Variants in MME observed in about 807,000 individuals in gnomAD.
The protein encoded by MME is neprilysin.
MME carries 98 observed loss-of-function variants against 113.2 expected under a neutral mutation model. That is an observed-to-expected ratio of 0.87 (90% CI 0.74 to 1.02). The LOEUF (loss-of-function observed/expected upper bound fraction) is 1.02. Among genes scored for constraint, MME ranks in the 50% least tolerant of loss-of-function variants. The probability of loss-of-function intolerance (pLI) is 0.00; values close to 1 mark genes in which losing one functional copy is unlikely to be tolerated. For missense variants in MME, 836 were observed against 896.0 expected (o/e 0.93, Z 0.86); for synonymous variants, 292 against 300.6 (o/e 0.97, Z 0.30).
chr3:155,060,838 A>ACAGAGAGT (rs1714110549), intron 1 of MME, among the ~76,000 whole-genome samples: 1 of 151,350 alleles, frequency 6.6e-6, no homozygotes, highest in Non-Finnish European at 1.5e-5. Flanking sequence ...GCAGAGAGAG[A>ACAGAGAGT]GAGAGAGAGA....
At chr3:155,164,691 G>A (rs1722960912) in intron 17 of MME, among the ~76,000 whole-genome samples, 1 of 152,142 alleles carries the variant, frequency 6.6e-6, no homozygotes, top group African/African-American at 2.4e-5. Context: ...CATAGTGTGG[G>A]AGATAGTATT....
At chr3:155,125,020 C>A (rs370554706) in intron 8 of MME, among the ~76,000 whole-genome samples, 1 of 151,714 alleles carries the variant, frequency 6.6e-6, no homozygotes, top group African/African-American at 2.4e-5. Context: ...CCCCCAGCCT[C>A]GCTGCCGCCT....
intron 1 of MME, among the ~76,000 whole-genome samples, chr3:155,037,806 A>G (rs1197456031): frequency 6.6e-6 from 1 of 152,180 alleles, no homozygotes; most frequent in Non-Finnish European, 1.5e-5. Flanking sequence ...GAGGTCATTG[A>G]TGTTCTTGAT....
intron 22 of MME, among the ~76,000 whole-genome samples, chr3:155,176,577 G>T: frequency 6.6e-6 from 1 of 152,258 alleles, no homozygotes; most frequent in East Asian, 1.9e-4. Context: ...GTTAATTCCA[G>T]CACTTTGGGA....
In MME at chr3:155,183,692, G is replaced by A. The variant is rs558529872; in HGVS notation, c.*3233G>A. Reference sequence around the variant, plus strand: ...TCAAAAATACAAAATAAAAACAAACGTTTTTAATACTATTGCTTTTATGCC... The same window carrying A: ...TCAAAAATACAAAATAAAAACAAACATTTTTAATACTATTGCTTTTATGCC... On this transcript the variant is annotated 3_prime_UTR_variant, in exon 23 of 23. Transcript: ENST00000360490. 2.0e-5 allele frequency: 3 copies of A among 152,212 alleles called. No homozygotes were observed. The highest frequency in any genetic ancestry group is 2.1e-4 in the South Asian group (1 of 4,816). The allele number at this position is 152,212 out of a possible 1,614,324, so 9.4% of individuals were successfully genotyped here. A position where few individuals can be genotyped will look rare whatever the true frequency, so the allele number is the denominator to read the frequency against.
chr3:155,087,221 G>C (rs1715832687), intron 3 of MME, among the ~76,000 whole-genome samples: 1 of 150,246 alleles, frequency 6.7e-6, no homozygotes, highest in African/African-American at 2.5e-5. Context: ...CTAGGTTATA[G>C]TCTAATATCC....
At chr3:155,065,843 A>G (rs1231937821) in intron 1 of MME, among the ~76,000 whole-genome samples, 1 of 152,228 alleles carries the variant, frequency 6.6e-6, no homozygotes, top group Non-Finnish European at 1.5e-5. Context: ...GTGGTCATAA[A>G]AGACAGTGCT....
At chr3:155,139,211 A>G (rs1720867852) in intron 9 of MME, among the ~76,000 whole-genome samples, 1 of 152,092 alleles carries the variant, frequency 6.6e-6, no homozygotes, top group African/African-American at 2.4e-5. Context: ...GGTTTTTGCC[A>G]CTTGCACCTT....
In MME at chr3:155,118,804, A is replaced by C. The variant is rs202126163; in HGVS notation, c.713A>C (p.Tyr238Ser). The change falls in exon 8 of 23, where the codon TAT (tyrosine) becomes TCT (serine). Residue 238 changes from tyrosine to serine, a missense_variant. Tyr to Ser is a moderately radical substitution (Grantham distance 144, BLOSUM62 -2). Coordinates refer to ENST00000360490, the MANE Select transcript of MME (RefSeq NM_007289.4). Reference protein sequence around the residue: ...SRDYYECTGIYKEACTAYVDF... With the variant: ...SRDYYECTGISKEACTAYVDF... The stretch of plus-strand genomic sequence containing the variant: ...GATTACTATGAATGCACTGGAATCT[A>C]TAAAGAGGTAAAAAGAAAAAAAATA... 3.8e-6 allele frequency: 6 copies of C among 1,593,600 alleles called. No homozygotes were observed. Among genetic ancestry groups the C allele is most frequent in the Non-Finnish European group, 4.3e-6 (5 of 1,163,674 alleles).
At chr3:155,041,165 C>T (rs1424703761) in intron 1 of MME, among the ~76,000 whole-genome samples, 3 of 152,058 alleles carry the variant, frequency 2.0e-5, no homozygotes, top group African/African-American at 7.2e-5. Context: ...CCTACTGAAC[C>T]CCTCCATTCT....
chr3:155,063,830 A>T (rs1408433060), intron 1 of MME, among the ~76,000 whole-genome samples: 1 of 150,484 alleles, frequency 6.6e-6, no homozygotes, highest in East Asian at 1.9e-4. Flanking sequence ...GGTAATGGGA[A>T]AAAGCAAGCT....
At chr3:155,061,618 A>G (rs1205375983) in intron 1 of MME, among the ~76,000 whole-genome samples, 3 of 151,442 alleles carry the variant, frequency 2.0e-5, no homozygotes, top group Non-Finnish European at 2.9e-5. Context: ...GTATAACTCA[A>G]CCTTACTAGA....
At chr3:155,091,290 A>ATAATC (rs1716274208) in intron 3 of MME, among the ~76,000 whole-genome samples, 2 of 152,214 alleles carry the variant, frequency 1.3e-5, no homozygotes, top group South Asian at 4.1e-4. Flanking sequence ...GATCCTTTCC[A>ATAATC]AGAAAGGGAA....
intron 17 of MME, among the ~76,000 whole-genome samples, 166 bp downstream of exon 17, chr3:155,160,614 C>T (rs1288289086): frequency 1.3e-5 from 2 of 152,066 alleles, no homozygotes; most frequent in Non-Finnish European, 1.5e-5. Context: ...CCTTCTTTCA[C>T]TATAGTGGGA....
chr3:155,138,435 A>C (rs951414429), intron 9 of MME, among the ~76,000 whole-genome samples, 199 bp downstream of exon 9: 6 of 152,164 alleles, frequency 3.9e-5, no homozygotes, highest in African/African-American at 1.4e-4. Flanking sequence ...CTGACATTTA[A>C]AAGACACACT....
rs771242942 is a variant in MME at position 155,172,104 on chromosome 3, A to G, written c.1981-13A>G. The G allele has an allele frequency of 8.8e-6, 13 of 1,472,126 alleles. No homozygotes were observed. Among genetic ancestry groups the G allele is most frequent in the Non-Finnish European group, 9.5e-6 (10 of 1,051,686 alleles). The allele number at this position is 1,472,126 out of a possible 1,614,324, so 91.2% of individuals were successfully genotyped here. A position where few individuals can be genotyped will look rare whatever the true frequency, so the allele number is the denominator to read the frequency against. ...ATTAATATTATTGTTTTTCTATTTT[A>G]TCAACTGCCTAGGCCTATCAGAATT... On this transcript the variant is annotated splice_polypyrimidine_tract_variant and intron_variant, in intron 20 of 22. Coordinates refer to ENST00000360490, the MANE Select transcript of MME (RefSeq NM_007289.4).
At chr3:155,056,268 G>C (rs571258833) in intron 1 of MME, among the ~76,000 whole-genome samples, 40 of 151,196 alleles carry the variant, frequency 2.6e-4, no homozygotes, top group Non-Finnish European at 5.3e-4. Flanking sequence ...ATGCTGGTGT[G>C]CTGCACCCAT....
At position 155,172,110 on chromosome 3, in the gene MME, T is replaced by A; in HGVS notation, c.1981-7T>A. 6.6e-7 allele frequency: 1 copy of A among 1,525,178 alleles called. No individual in the cohort carries two copies. The highest frequency in any genetic ancestry group is 9.1e-7 in the Non-Finnish European group (1 of 1,100,086). 94.5% of individuals were successfully genotyped at this position (1,525,178 alleles called of 1,614,324 possible). On this transcript the variant is annotated splice_polypyrimidine_tract_variant and splice_region_variant and intron_variant, in intron 20 of 22. Coordinates refer to ENST00000360490, the MANE Select transcript of MME (RefSeq NM_007289.4). ...ATTATTGTTTTTCTATTTTATCAAC[T>A]GCCTAGGCCTATCAGAATTATATTA...
In MME at chr3:155,101,508, C is replaced by T. The variant is rs1717221037; in HGVS notation, c.197-13486C>T. On this transcript the variant is annotated intron_variant, in intron 3 of 22. Transcript: ENST00000360490. ...CTACTCTTGGTGATCTGCCTCTGAC[C>T]CCAGCTCTAGTAAATGGGTTTCTGC... 4.6e-5 allele frequency among the ~76,000 whole-genome samples: 7 copies of T among 152,236 alleles called. No individual in the cohort carries two copies. The South Asian group carries it at 1.5e-3, about 32-fold the overall frequency.
Sources: gnomAD v4.1 joint callset for allele counts (sites outside exome capture counted in the v4.1 genomes callset) on GRCh38, gnomAD v4.1.1 for gene constraint, MANE v1.5 for transcripts, NCBI Gene and HGNC (gene_info 2026-07-23, HGNC 2026-07-21) for gene names.